Variants in INPP4B observed in about 807,000 individuals in gnomAD.
INPP4B encodes inositol polyphosphate 4-phosphatase type II.
A neutral mutation model predicts 122.5 loss-of-function variants in INPP4B; 55 were observed. That is an observed-to-expected ratio of 0.45 (90% CI 0.36 to 0.56). INPP4B has a LOEUF of 0.56. Among genes scored for constraint, INPP4B ranks in the 20% least tolerant of loss-of-function variants. INPP4B has a pLI of 0.00. For synonymous variants in INPP4B, 403 were observed against 388.7 expected, an observed-to-expected ratio of 1.04 and a Z score of -0.43; for missense variants, 1,000 against 1,097.7, an observed-to-expected ratio of 0.91 and a Z score of 1.26.
At chr4:142,226,324 T>C (rs1252498009) in intron 12 of INPP4B, among the ~76,000 whole-genome samples, 1 of 152,162 alleles carries the variant, frequency 6.6e-6, no homozygotes, top group African/African-American at 2.4e-5. Flanking sequence ...GCTGTCTTCC[T>C]TGCACCCATA....
At chr4:142,306,790 G>T (rs1763547402) in intron 8 of INPP4B, among the ~76,000 whole-genome samples, 1 of 152,146 alleles carries the variant, frequency 6.6e-6, no homozygotes, top group Non-Finnish European at 1.5e-5. Flanking sequence ...CAGGAGGACT[G>T]CTTGAGGCCA....
At chr4:142,632,203 C>G (rs757499703) in intron 2 of INPP4B, among the ~76,000 whole-genome samples, 1 of 152,026 alleles carries the variant, frequency 6.6e-6, no homozygotes, top group African/African-American at 2.4e-5. Flanking sequence ...GACTAGCATC[C>G]GACATGGGGT....
chr4:142,715,522 G>A (rs1317038697), intron 2 of INPP4B, among the ~76,000 whole-genome samples: 1 of 152,138 alleles, frequency 6.6e-6, no homozygotes, highest in Non-Finnish European at 1.5e-5. Flanking sequence ...TCCAAGAATA[G>A]CATATCACAA....
intron 1 of INPP4B, among the ~76,000 whole-genome samples, chr4:142,832,547 C>T (rs1193627521): frequency 6.6e-6 from 1 of 152,156 alleles, no homozygotes; most frequent in African/African-American, 2.4e-5. Flanking sequence ...ACTTCATAAC[C>T]ACAAGGGAGA....
chr4:142,208,893 C>T lies in INPP4B; in HGVS notation c.967+3G>A, dbSNP rs904469163. On this transcript the variant is annotated splice_donor_region_variant and intron_variant, in intron 13 of 25. Coordinates refer to ENST00000262992, the MANE Select transcript of INPP4B (RefSeq NM_001101669.3). ...TGAGTAAGTAGAGAAATTGCTTCCACACCTGTTTCCTTGCTAAGTTCTGTC... is the reference window on the plus strand; with the variant it reads ...TGAGTAAGTAGAGAAATTGCTTCCATACCTGTTTCCTTGCTAAGTTCTGTC... 6 of 1,553,220 alleles carry T rather than the reference C, an allele frequency of 3.9e-6. No individual in the cohort carries two copies. Among genetic ancestry groups the T allele is most frequent in the African/African-American group, 1.4e-5 (1 of 73,566 alleles).
rs756920867 is a variant in INPP4B, at chr4:142,567,887, T to C, written c.-190-105161A>G. ...TTCCAATTCAAGTAGTCTCAAGGCA[T>C]ACTCTAGCTGCTTGCAATTAAAACA... On this transcript the variant is annotated intron_variant, in intron 2 of 25. Transcript: ENST00000262992. 2.0e-5 allele frequency among the ~76,000 whole-genome samples: 3 copies of C among 152,178 alleles called. No homozygotes were observed. In the South Asian group the frequency reaches 6.2e-4, roughly 32 times the overall value.
chr4:142,303,904 C>G (rs1337766623), intron 9 of INPP4B, among the ~76,000 whole-genome samples: 1 of 152,078 alleles, frequency 6.6e-6, no homozygotes, highest in Non-Finnish European at 1.5e-5. Context: ...TGTCCTCTCT[C>G]TAAGGTACTG....
intron 25 of INPP4B, among the ~76,000 whole-genome samples, chr4:142,036,262 C>T (rs336343): frequency 0.038 from 5,751 of 152,002 alleles, 127 homozygotes; most frequent in Middle Eastern, 0.054. Context: ...TGCAGAAAAT[C>T]TTAATAACTT....
intron 25 of INPP4B, chr4:142,029,779 G>C (rs1738653822): frequency 1.0e-6 from 1 of 999,840 alleles, no homozygotes; most frequent in African/African-American, 1.7e-5. Context: ...CAGTGTTTGT[G>C]CAAATTTCAG....
At position 142,509,458 on chromosome 4, in the gene INPP4B, G is replaced by A. The variant is rs371433104; in HGVS notation, c.-190-46732C>T. Reference sequence around the variant, plus strand: ...TGTTCTCATTGTTCAACCCCCACATGTGAGTGAGAACATGCAGTGTTTGGT... The same window carrying A: ...TGTTCTCATTGTTCAACCCCCACATATGAGTGAGAACATGCAGTGTTTGGT... On this transcript the variant is annotated intron_variant, in intron 2 of 25. Transcript: ENST00000262992. Among the ~76,000 whole-genome samples, 19 of 152,002 alleles carry A rather than the reference G, an allele frequency of 1.2e-4. No homozygotes were observed. The East Asian group carries it at 1.9e-3, about 16-fold the overall frequency.
At chr4:142,795,909 CTG>C (rs1481838990) in intron 1 of INPP4B, among the ~76,000 whole-genome samples, 1 of 151,954 alleles carries the variant, frequency 6.6e-6, no homozygotes, top group Non-Finnish European at 1.5e-5. Context: ...TCCATAGTTG[CTG>C]TGTCAATTTA....
intron 17 of INPP4B, among the ~76,000 whole-genome samples, chr4:142,159,994 T>C (rs1193447919): frequency 6.6e-5 from 10 of 152,036 alleles, no homozygotes; most frequent in Non-Finnish European, 7.4e-5. Flanking sequence ...ACAATGAAAA[T>C]ACTTGTTGCA....
At chr4:142,227,303 G>T (rs1851972741) in intron 12 of INPP4B, among the ~76,000 whole-genome samples, 1 of 152,134 alleles carries the variant, frequency 6.6e-6, no homozygotes, top group Non-Finnish European at 1.5e-5. Context: ...TCTGATGGAA[G>T]ATTGTTTCCA....
chr4:142,092,614 A>G (rs904717458), intron 23 of INPP4B, among the ~76,000 whole-genome samples: 1 of 152,166 alleles, frequency 6.6e-6, no homozygotes, highest in Admixed American at 6.5e-5. Flanking sequence ...TATACTGCTG[A>G]GTCACTGAAC....
At chr4:142,623,950 T>C (rs540317141) in intron 2 of INPP4B, among the ~76,000 whole-genome samples, 4 of 152,246 alleles carry the variant, frequency 2.6e-5, no homozygotes, top group Admixed American at 2.6e-4. Context: ...TGCCACATTT[T>C]CTTAATCCAG....
intron 7 of INPP4B, among the ~76,000 whole-genome samples, chr4:142,335,783 T>A (rs1776362005): frequency 6.6e-6 from 1 of 151,946 alleles, no homozygotes; most frequent in Non-Finnish European, 1.5e-5. Context: ...ATAGGTAGAG[T>A]TTAATGAATA....
intron 25 of INPP4B, among the ~76,000 whole-genome samples, chr4:142,051,076 TTGAGA>T (rs2152391352): frequency 6.6e-6 from 1 of 152,148 alleles, no homozygotes; most frequent in East Asian, 1.9e-4. Flanking sequence ...TTCCTCTGTG[TTGAGA>T]TATGTAAACT....
At chr4:142,358,669 A>C (rs1214154923) in intron 7 of INPP4B, among the ~76,000 whole-genome samples, 1 of 151,330 alleles carries the variant, frequency 6.6e-6, no homozygotes, top group Non-Finnish European at 1.5e-5. Context: ...AAAAAAAAAA[A>C]AACTCCCAGG....
chr4:142,206,361 T>TG (rs1321074746), intron 14 of INPP4B, among the ~76,000 whole-genome samples: 1 of 151,484 alleles, frequency 6.6e-6, no homozygotes, highest in Non-Finnish European at 1.5e-5. Context: ...CTCTCTTTTT[T>TG]TTTTTTTTTT....
Sources: allele counts gnomAD v4.1 joint callset (sites outside exome capture counted in the v4.1 genomes callset), GRCh38; gene constraint gnomAD v4.1.1; transcripts MANE v1.5; gene names NCBI Gene and HGNC (gene_info 2026-07-23, HGNC 2026-07-21).